Variants in DOCK11 observed in about 807,000 individuals in gnomAD.
DOCK11 encodes dedicator of cytokinesis protein 11.
In DOCK11, 70 loss-of-function variants were observed where a neutral mutation model predicts 169.1. That is an observed-to-expected ratio of 0.41 (90% CI 0.34 to 0.51). The LOEUF is 0.51. DOCK11 is among the 20% of genes least tolerant of loss of function. DOCK11 has a pLI of 0.10. For missense variants in DOCK11, 1,166 were observed against 1,538.8 expected (o/e 0.76, Z 4.05); for synonymous variants, 529 against 541.3 (o/e 0.98, Z 0.32).
chrX:118,632,969 T>TGGGGGGGGGGGGGGGGGGG (rs766019635), intron 35 of DOCK11: 3 of 35,824 alleles, frequency 8.4e-5, no homozygotes, highest in African/African-American at 3.0e-4. Context: ...TGGGGGGCGG[T>TGGGGGGGGGGGGGGGGGGG]GGGGGGGGGG....
chrX:118,516,007 A>G (rs1248650827), intron 1 of DOCK11, among the ~76,000 whole-genome samples: 1 of 81,990 alleles, frequency 1.2e-5, no homozygotes, highest in African/African-American at 5.3e-5. Flanking sequence ...TTGGGCAAAT[A>G]TATATATATA....
chrX:118,673,556 G>A (rs2016538531), intron 46 of DOCK11, among the ~76,000 whole-genome samples: 1 of 111,912 alleles, frequency 8.9e-6, no homozygotes, highest in Admixed American at 9.5e-5. Context: ...AGAGATAGCA[G>A]CCAAAGTAAG....
chrX:118,554,097 G>C (rs2012595399), intron 6 of DOCK11, among the ~76,000 whole-genome samples: 2 of 111,620 alleles, frequency 1.8e-5, no homozygotes, highest in Non-Finnish European at 3.8e-5. Flanking sequence ...CCAACACCTG[G>C]GCTGAAGCGA....
At chrX:118,510,173 C>A (rs2057641150) in intron 1 of DOCK11, among the ~76,000 whole-genome samples, 1 of 112,073 alleles carries the variant, frequency 8.9e-6, no homozygotes, top group Non-Finnish European at 1.9e-5. Flanking sequence ...CTGCCTATCA[C>A]GCAAGATGTC....
intron 9 of DOCK11, 152 bp downstream of exon 9, chrX:118,566,805 G>A (rs2013093220): frequency 2.0e-6 from 1 of 488,264 alleles, no homozygotes; most frequent in African/African-American, 2.4e-5. Context: ...AAGAAAAGTT[G>A]CACTCCTGAA....
intron 22 of DOCK11, among the ~76,000 whole-genome samples, chrX:118,598,875 A>G (rs904807018): frequency 2.7e-5 from 3 of 111,989 alleles, no homozygotes; most frequent in Non-Finnish European, 5.6e-5. Flanking sequence ...GAAGCAGCCC[A>G]ACTTCATAGA....
rs774482435 is a variant in DOCK11, at chrX:118,641,181, T to A, written c.4145-9T>A. On this transcript the variant is annotated splice_polypyrimidine_tract_variant and intron_variant, in intron 38 of 52. Coordinates refer to ENST00000276202, the MANE Select transcript of DOCK11 (RefSeq NM_144658.4). ...TTGGGAAAAGTTTAATTTACTTTTT[T>A]AATCCTAGGTTCTACAACAACTGAA... The A allele has an allele frequency of 1.3e-5, 15 of 1,171,148 alleles. No homozygotes were observed. Among genetic ancestry groups the A allele is most frequent in the Non-Finnish European group, 1.7e-5 (15 of 860,189 alleles).
intron 6 of DOCK11, among the ~76,000 whole-genome samples, chrX:118,551,699 TA>T (rs916654781): frequency 1.4e-4 from 15 of 108,193 alleles, no homozygotes; most frequent in South Asian, 1.2e-3. Flanking sequence ...CTCGATCTCT[TA>T]AAAAAAAAAT....
intron 6 of DOCK11, among the ~76,000 whole-genome samples, chrX:118,556,099 C>T (rs1272277562): frequency 9.5e-6 from 1 of 105,590 alleles, no homozygotes; most frequent in Admixed American, 1.0e-4. Context: ...GGCTGGAGTG[C>T]AGTGGTACAA....
In DOCK11 at chrX:118,608,160, C is replaced by T. The variant is rs766304473; in HGVS notation, c.2751+19C>T. The T allele has an allele frequency of 1.7e-6, 2 of 1,192,380 alleles. No homozygotes were observed. Among genetic ancestry groups the T allele is most frequent in the Non-Finnish European group, 2.3e-6 (2 of 888,157 alleles). On this transcript the variant is annotated intron_variant, in intron 25 of 52. Coordinates refer to ENST00000276202, the MANE Select transcript of DOCK11 (RefSeq NM_144658.4). ...CATAAAGGTTTGTGGAGTAAAGTTT[C>T]TTTCTGAGCAATTTGTTTTATGTGA...
Position 118,630,472 on chromosome X carries a change from G to C in DOCK11, c.3868G>C (p.Val1290Leu). 1 of 1,197,892 alleles carries C rather than the reference G, an allele frequency of 8.3e-7. No homozygotes were observed. Among genetic ancestry groups the C allele is most frequent in the Non-Finnish European group, 1.1e-6 (1 of 883,869 alleles). Residue 1290 changes from valine (V) to leucine (L), a missense_variant, in exon 35 of 53, where the codon GTA (valine) becomes CTA (leucine). By Grantham distance (32) the Val-to-Leu change is conservative. Coordinates refer to ENST00000276202, the MANE Select transcript of DOCK11 (RefSeq NM_144658.4). Reference sequence around the variant, plus strand: ...CCTCCTGATGTGCTACCTGTATATAGTAAAAATGATTTCAGAAGGTGAGTT... The same window carrying C: ...CCTCCTGATGTGCTACCTGTATATACTAAAAATGATTTCAGAAGGTGAGTT... ...RSLLMCYLYI[V>L]KMISEDTLLT...
At chrX:118,681,943 G>A in intron 51 of DOCK11, 149 bp downstream of exon 51, 1 of 374,230 alleles carries the variant, frequency 2.7e-6, no homozygotes. Context: ...CCTCCTAATG[G>A]CACTTTGAGC....
intron 1 of DOCK11, among the ~76,000 whole-genome samples, chrX:118,540,398 C>T (rs1462966108): frequency 9.0e-6 from 1 of 111,360 alleles, no homozygotes; most frequent in Non-Finnish European, 1.9e-5. Context: ...TCCATGGAAA[C>T]ACGGTAGATA....
intron 6 of DOCK11, among the ~76,000 whole-genome samples, chrX:118,560,021 C>T (rs187416872): frequency 2.7e-4 from 30 of 110,545 alleles, no homozygotes; most frequent in African/African-American, 9.2e-4. Context: ...GTTGATAGCA[C>T]GTAGCCCACA....
chrX:118,584,379 T>A (rs916109672), intron 14 of DOCK11, among the ~76,000 whole-genome samples: 5 of 112,719 alleles, frequency 4.4e-5, no homozygotes, highest in African/African-American at 1.6e-4. Flanking sequence ...GAATATGTAG[T>A]TCATTTTGAG....
At chrX:118,620,190 C>A in intron 31 of DOCK11, among the ~76,000 whole-genome samples, 1 of 111,554 alleles carries the variant, frequency 9.0e-6, no homozygotes, top group Non-Finnish European at 1.9e-5. Flanking sequence ...AAGTAGAGTG[C>A]AAACTGTATG....
At chrX:118,615,530 G>A (rs2014787879) in intron 29 of DOCK11, 70 bp from the exon 30 acceptor site, 7 of 844,800 alleles carry the variant, frequency 8.3e-6, no homozygotes, top group Admixed American at 8.0e-5. Context: ...AAAATAATGC[G>A]CTGTATTAAA....
chrX:118,671,180 G>A (rs878897698), intron 46 of DOCK11, 35 bp downstream of exon 46: 6 of 1,174,290 alleles, frequency 5.1e-6, no homozygotes, highest in Middle Eastern at 2.4e-4. Context: ...ATTGACTTAT[G>A]TATTTTATTT....
At chrX:118,672,472 G>C (rs1173647692) in intron 46 of DOCK11, among the ~76,000 whole-genome samples, 3 of 112,140 alleles carry the variant, frequency 2.7e-5, no homozygotes, top group Non-Finnish European at 5.6e-5. Context: ...TTGCTCTTTG[G>C]CCCAGGCCGG....
Sources: gnomAD v4.1 joint callset for allele counts (sites outside exome capture counted in the v4.1 genomes callset) on GRCh38, gnomAD v4.1.1 for gene constraint, MANE v1.5 for transcripts, NCBI Gene and HGNC (gene_info 2026-07-23, HGNC 2026-07-21) for gene names.